Variants in THSD4 observed in about 807,000 individuals in gnomAD.
THSD4 encodes the protein thrombospondin type-1 domain-containing protein 4.
In THSD4, 69 loss-of-function variants were observed where a neutral mutation model predicts 119.0. The ratio of observed to expected loss-of-function variants is 0.58; its 90% confidence interval spans 0.48 to 0.71. The LOEUF is 0.71. Among genes scored for constraint, THSD4 ranks in the 30% least tolerant of loss-of-function variants. The pLI, the probability that THSD4 is intolerant of heterozygous loss-of-function variation, is 0.00. For missense variants in THSD4, 1,393 were observed against 1,391.1 expected, an observed-to-expected ratio of 1.00 and a Z score of -0.02; for synonymous variants, 524 against 540.4, an observed-to-expected ratio of 0.97 and a Z score of 0.42.
At chr15:71,523,298 C>T (rs995747210) in intron 7 of THSD4, among the ~76,000 whole-genome samples, 3 of 152,192 alleles carry the variant, frequency 2.0e-5, no homozygotes, top group African/African-American at 7.2e-5. Context: ...GGACTCCAGG[C>T]ATTCCTTGCC....
At chr15:71,464,065 C>G (rs1300390778) in intron 7 of THSD4, among the ~76,000 whole-genome samples, 1 of 152,198 alleles carries the variant, frequency 6.6e-6, no homozygotes, top group Non-Finnish European at 1.5e-5. Context: ...TGTCTTTCCC[C>G]ACCATCCTAG....
At chr15:71,371,239 C>A (rs907932160) in intron 6 of THSD4, among the ~76,000 whole-genome samples, 1 of 152,086 alleles carries the variant, frequency 6.6e-6, no homozygotes, top group Non-Finnish European at 1.5e-5. Context: ...TCCAGTTTGC[C>A]AGTTTGTGTC....
intron 11 of THSD4, among the ~76,000 whole-genome samples, chr15:71,743,063 T>TA (rs1567131072): frequency 1.3e-5 from 2 of 149,352 alleles, no homozygotes; most frequent in South Asian, 2.1e-4. Flanking sequence ...TCAAAAAAAA[T>TA]AAAAAAAGAT....
At chr15:71,172,851 G>A (rs1018522629) in intron 3 of THSD4, among the ~76,000 whole-genome samples, 3 of 150,328 alleles carry the variant, frequency 2.0e-5, no homozygotes, top group Admixed American at 6.6e-5. Flanking sequence ...TACAATATAC[G>A]AAAACTAACT....
chr15:71,097,729 T>TATATA (rs60101087), intron 1 of THSD4, among the ~76,000 whole-genome samples: 1 of 92,448 alleles, frequency 1.1e-5, no homozygotes, highest in African/African-American at 3.9e-5. Context: ...TATATATATA[T>TATATA]TTTTTTTTTT....
rs73445738 is a variant in THSD4 at position 71,618,184 on chromosome 15, T to C, written c.1153-42346T>C. Among the ~76,000 whole-genome samples the C allele has an allele frequency of 2.7e-3, 411 of 152,340 alleles. 2 individuals carry two copies. The highest frequency in any genetic ancestry group is 9.1e-3 in the African/African-American group (379 of 41,578). On this transcript the variant is annotated intron_variant, in intron 7 of 17. Coordinates refer to ENST00000261862, the MANE Select transcript of THSD4 (RefSeq NM_024817.3). ...TCATAAAAATTCTCTGTTAACCTAA[T>C]GCTGTTGGAGGTCACCTTGTTTAGA...
chr15:71,689,271 T>A (rs1332963093), intron 8 of THSD4, among the ~76,000 whole-genome samples: 2 of 152,130 alleles, frequency 1.3e-5, no homozygotes, highest in African/African-American at 4.8e-5. Flanking sequence ...CCTCGGATGC[T>A]CAGTAGCTCT....
At chr15:71,619,183 G>T (rs1312402041) in intron 7 of THSD4, among the ~76,000 whole-genome samples, 2 of 151,978 alleles carry the variant, frequency 1.3e-5, no homozygotes, top group East Asian at 3.9e-4. Context: ...TGTTGGCCAG[G>T]CTGGTCTTGA....
intron 7 of THSD4, among the ~76,000 whole-genome samples, chr15:71,557,970 C>T (rs563445883): frequency 6.6e-6 from 1 of 152,180 alleles, no homozygotes; most frequent in African/African-American, 2.4e-5. Context: ...CTATTCCATT[C>T]AATTCTGCTC....
chr15:71,450,018 C>A (rs2047240591), intron 7 of THSD4, among the ~76,000 whole-genome samples: 1 of 152,150 alleles, frequency 6.6e-6, no homozygotes, highest in Non-Finnish European at 1.5e-5. Context: ...TGGCCTAGGG[C>A]AGCTGTCCAG....
intron 8 of THSD4, among the ~76,000 whole-genome samples, chr15:71,725,264 C>A (rs2052810957): frequency 6.8e-6 from 1 of 147,288 alleles, no homozygotes; most frequent in Non-Finnish European, 1.5e-5. Flanking sequence ...ATAAGAAACA[C>A]TGAGGCCGGG....
intron 6 of THSD4, among the ~76,000 whole-genome samples, chr15:71,269,895 G>A (rs1019221604): frequency 2.6e-5 from 4 of 152,142 alleles, no homozygotes; most frequent in Non-Finnish European, 4.4e-5. Flanking sequence ...ACTTACAAGC[G>A]ATGTGAAGGA....
chr15:71,436,838 A>G (rs561548393), intron 7 of THSD4, among the ~76,000 whole-genome samples: 1 of 152,218 alleles, frequency 6.6e-6, no homozygotes, highest in Non-Finnish European at 1.5e-5. Context: ...TAACATTTTT[A>G]CGGGGAAATG....
At chr15:71,673,345 C>A (rs1430714224) in intron 8 of THSD4, among the ~76,000 whole-genome samples, 1 of 152,052 alleles carries the variant, frequency 6.6e-6, no homozygotes, top group African/African-American at 2.4e-5. Flanking sequence ...TCCCCTCTAT[C>A]ATTTTTTATT....
intron 8 of THSD4, among the ~76,000 whole-genome samples, chr15:71,727,002 A>G (rs1352347770): frequency 1.3e-5 from 2 of 151,386 alleles, no homozygotes; most frequent in African/African-American, 2.4e-5. Context: ...TCCAGGTGCC[A>G]AGGGTAGCTG....
chr15:71,653,710 C>T lies in THSD4; in HGVS notation c.1153-6820C>T, dbSNP rs190921824. On this transcript the variant is annotated intron_variant, in intron 7 of 17. Coordinates refer to ENST00000261862, the MANE Select transcript of THSD4 (RefSeq NM_024817.3). ...AAGCAGTTCTGCTCTTCTCATTTTG[C>T]ATAGTGGAGCTTTGGATTTCCACAT... is the stretch of plus-strand genomic sequence containing the variant. Among the ~76,000 whole-genome samples the T allele has an allele frequency of 1.9e-4, 29 of 152,310 alleles. No homozygotes were observed. In the East Asian group the frequency reaches 2.5e-3, roughly 13 times the overall value.
intron 6 of THSD4, among the ~76,000 whole-genome samples, chr15:71,303,652 G>A (rs1476726980): frequency 6.6e-6 from 1 of 152,134 alleles, no homozygotes; most frequent in Admixed American, 6.5e-5. Flanking sequence ...ATTCACAGAA[G>A]TCTTGCATTC....
intron 6 of THSD4, among the ~76,000 whole-genome samples, chr15:71,297,388 T>G (rs1378893313): frequency 1.3e-5 from 2 of 150,364 alleles, no homozygotes; most frequent in East Asian, 3.9e-4. Context: ...CAGACTGGAG[T>G]GCAGTGGCGC....
At chr15:71,279,853 A>G (rs145458864) in intron 6 of THSD4, among the ~76,000 whole-genome samples, 62 of 152,174 alleles carry the variant, frequency 4.1e-4, no homozygotes, top group African/African-American at 1.4e-3. Context: ...TTTGTTCTGT[A>G]CAAACAGTGG....
Sources: allele counts gnomAD v4.1 joint callset (sites outside exome capture counted in the v4.1 genomes callset), GRCh38; gene constraint gnomAD v4.1.1; transcripts MANE v1.5; gene names NCBI Gene and HGNC (gene_info 2026-07-23, HGNC 2026-07-21).